The following CFAP97 variants were observed in gnomAD, a reference collection of about 807,000 sequenced individuals.
CFAP97 encodes the protein cilia and flagella associated protein 97.
A neutral mutation model predicts 43.1 loss-of-function variants in CFAP97; 36 were observed. The observed-to-expected ratio is 0.84, with a 90% CI of 0.64 to 1.10. The LOEUF is 1.10. CFAP97 is among the 50% of genes least tolerant of loss of function. The pLI, the probability that CFAP97 is intolerant of heterozygous loss-of-function variation, is 0.00. For synonymous variants in CFAP97, 228 were observed against 225.7 expected (o/e 1.01, Z -0.09); for missense variants, 657 against 620.3 (o/e 1.06, Z -0.63).
chr4:185,198,375 A>C (rs1424723948), intron 1 of CFAP97, among the ~76,000 whole-genome samples: 1 of 151,786 alleles, frequency 6.6e-6, no homozygotes, highest in East Asian at 1.9e-4. Flanking sequence ...CTGGGAAGGC[A>C]GAAGCTGCAG....
intron 1 of CFAP97, among the ~76,000 whole-genome samples, chr4:185,201,588 C>T (rs935246310): frequency 1.3e-5 from 2 of 152,154 alleles, no homozygotes; most frequent in Non-Finnish European, 2.9e-5. Flanking sequence ...CATTTTTTAG[C>T]CATAAATTAT....
chr4:185,192,134 A>G (rs1340362993), intron 1 of CFAP97, among the ~76,000 whole-genome samples: 2 of 152,192 alleles, frequency 1.3e-5, no homozygotes, highest in African/African-American at 4.8e-5. Flanking sequence ...CAAGGAGATG[A>G]TTCCTGTTAA....
intron 3 of CFAP97, among the ~76,000 whole-genome samples, chr4:185,164,823 A>G (rs534123740): frequency 2.0e-5 from 3 of 152,364 alleles, no homozygotes; most frequent in South Asian, 4.1e-4. Flanking sequence ...ACATGATGTA[A>G]TAGGAGTTAT....
At chr4:185,170,330 A>T (rs1448040622) in intron 3 of CFAP97, 1 of 606,192 alleles carries the variant, frequency 1.6e-6, no homozygotes, top group African/African-American at 1.9e-5. Context: ...TGGGTGACAG[A>T]GCGAGATAGT....
chr4:185,165,244 G>C (rs1735022420), intron 3 of CFAP97, among the ~76,000 whole-genome samples: 1 of 152,118 alleles, frequency 6.6e-6, no homozygotes, highest in South Asian at 2.1e-4. Context: ...CTTGAGTTCA[G>C]GAGTTCCAGA....
intron 3 of CFAP97, among the ~76,000 whole-genome samples, chr4:185,173,664 T>G (rs959112173): frequency 6.6e-6 from 1 of 152,182 alleles, no homozygotes; most frequent in African/African-American, 2.4e-5. Context: ...ACAGTTCTAC[T>G]CATATGAAAT....
intron 2 of CFAP97, among the ~76,000 whole-genome samples, chr4:185,181,247 G>T (rs184650185): frequency 6.9e-6 from 1 of 145,334 alleles, no homozygotes; most frequent in African/African-American, 2.6e-5. Context: ...GCAACAGAGC[G>T]AGACTCCGTC....
rs978662185 is a variant in CFAP97 at position 185,160,902 on chromosome 4, TTA to T, written c.*1894_*1895del. The T allele has an allele frequency of 2.7e-5, 4 of 146,914 alleles. No homozygotes were observed. The highest frequency in any genetic ancestry group is 4.5e-5 in the Non-Finnish European group (3 of 66,552). 9.1% of individuals were successfully genotyped at this position (146,914 alleles called of 1,614,324 possible). A position where few individuals can be genotyped will look rare whatever the true frequency, so the allele number is the denominator to read the frequency against. On this transcript the variant is annotated 3_prime_UTR_variant, in exon 5 of 5. Transcript: ENST00000458385. ...AAATAAAATTTATAAAAAAGATTTT[TTA>T]TATATATAAAAAGATTATATATATA...
At position 185,202,338 on chromosome 4, in the gene CFAP97, C is replaced by T. The variant is rs111934518; in HGVS notation, c.-17+1560G>A. The stretch of plus-strand genomic sequence containing the variant: ...CCCAGGCAGGCAGACCACTTGAGCC[C>T]AGGAGCTTGAGACCAGCCTGGCCAA... On this transcript the variant is annotated intron_variant, in intron 1 of 4. Transcript: ENST00000458385. Among the ~76,000 whole-genome samples, 779 of 152,262 alleles carry T rather than the reference C, an allele frequency of 5.1e-3. 9 individuals carry two copies. The highest frequency in any genetic ancestry group is 0.018 in the African/African-American group (749 of 41,554).
At chr4:185,202,254 G>T (rs1050428066) in intron 1 of CFAP97, among the ~76,000 whole-genome samples, 28 of 152,148 alleles carry the variant, frequency 1.8e-4, no homozygotes, top group African/African-American at 6.5e-4. Context: ...GTGTGGCTGG[G>T]CATGGAGGCT....
intron 1 of CFAP97, among the ~76,000 whole-genome samples, chr4:185,202,628 C>T (rs1015228563): frequency 1.3e-5 from 2 of 152,154 alleles, no homozygotes; most frequent in African/African-American, 2.4e-5. Flanking sequence ...CCCACCCCTC[C>T]GGAAGCACAA....
intron 2 of CFAP97, among the ~76,000 whole-genome samples, chr4:185,176,827 G>A (rs1190418196): frequency 6.6e-6 from 1 of 152,104 alleles, no homozygotes; most frequent in Non-Finnish European, 1.5e-5. Context: ...AAGTAACTCC[G>A]AATATTCCAA....
upstream of CFAP97, chr4:185,210,030 C>T (rs1357970615): frequency 4.1e-5 from 40 of 983,760 alleles, no homozygotes; most frequent in Non-Finnish European, 4.6e-5. This position sits in a 1 kb window ranked among gnomAD's most constrained non-coding sequence, Gnocchi z 4.4. Context: ...CACTCGCCGC[C>T]GTGGCCCTCT....
chr4:185,207,549 C>T (rs1737239702), upstream of CFAP97, among the ~76,000 whole-genome samples: 1 of 152,138 alleles, frequency 6.6e-6, no homozygotes, highest in Non-Finnish European at 1.5e-5. Context: ...GAATGCAGAT[C>T]AGGATCAAGA....
At chr4:185,192,441 G>A (rs1399260363) in intron 1 of CFAP97, among the ~76,000 whole-genome samples, 1 of 152,104 alleles carries the variant, frequency 6.6e-6, no homozygotes. Context: ...TTATCAGGGG[G>A]CAGGGGCCAC....
chr4:185,170,380 GCAGA>G (rs1464510107), intron 3 of CFAP97: 1 of 468,142 alleles, frequency 2.1e-6, no homozygotes, highest in Non-Finnish European at 3.8e-6. Context: ...CTGTATACTA[GCAGA>G]CAAAGCACAG....
intron 2 of CFAP97, among the ~76,000 whole-genome samples, chr4:185,176,862 T>C (rs1220629225): frequency 6.6e-6 from 1 of 152,224 alleles, no homozygotes; most frequent in Non-Finnish European, 1.5e-5. Flanking sequence ...CCAGAAAAGA[T>C]GCTGGATTTA....
chr4:185,199,501 T>C (rs1736724259), intron 1 of CFAP97, among the ~76,000 whole-genome samples: 1 of 152,100 alleles, frequency 6.6e-6, no homozygotes, highest in East Asian at 1.9e-4. Flanking sequence ...AAACCCTGTC[T>C]CCACTAAAAA....
chr4:185,177,882 G>A (rs186148147), intron 2 of CFAP97, among the ~76,000 whole-genome samples: 20 of 152,006 alleles, frequency 1.3e-4, no homozygotes, highest in African/African-American at 4.3e-4. Context: ...AAGTAAGTAT[G>A]GTATAGAAAA....
Sources: gnomAD v4.1 joint callset for allele counts (sites outside exome capture counted in the v4.1 genomes callset) on GRCh38, gnomAD v4.1.1 for gene constraint, Gnocchi (gnomAD v3.1) non-coding constraint, MANE v1.5 for transcripts, NCBI Gene and HGNC (gene_info 2026-07-23, HGNC 2026-07-21) for gene names.